The following TRIM9 variants were observed in gnomAD, a reference collection of about 807,000 sequenced individuals.
TRIM9 encodes the protein tripartite motif containing 9.
A neutral mutation model predicts 78.3 loss-of-function variants in TRIM9; 26 were observed. The observed-to-expected ratio is 0.33, with a 90% CI of 0.24 to 0.46. The LOEUF is 0.46. TRIM9 is among the 20% of genes least tolerant of loss of function. The pLI is 1.00. For missense variants in TRIM9, 787 were observed against 1,036.4 expected (o/e 0.76, Z 3.30); for synonymous variants, 398 against 416.5 (o/e 0.96, Z 0.54).
chr14:51,093,767 G>A (rs926012537), intron 1 of TRIM9, among the ~76,000 whole-genome samples: 7 of 152,230 alleles, frequency 4.6e-5, no homozygotes, highest in African/African-American at 1.7e-4. Context: ...CTGGGCACTG[G>A]CGCGGCTCTA....
At chr14:51,074,736 T>A (rs1231742910) in intron 1 of TRIM9, among the ~76,000 whole-genome samples, 1 of 152,166 alleles carries the variant, frequency 6.6e-6, no homozygotes, top group East Asian at 1.9e-4. Context: ...GGGGCAGAGC[T>A]CAAAGCTGGT....
At chr14:51,069,563 G>A (rs376939493) in intron 1 of TRIM9, among the ~76,000 whole-genome samples, 2 of 152,200 alleles carry the variant, frequency 1.3e-5, no homozygotes, top group Non-Finnish European at 2.9e-5. Flanking sequence ...CGAGGCCCTC[G>A]GGACAAGCCA....
chr14:51,034,346 T>G (rs1352493989), intron 1 of TRIM9, among the ~76,000 whole-genome samples: 4 of 152,150 alleles, frequency 2.6e-5, no homozygotes, highest in African/African-American at 4.8e-5. Context: ...CAATAAGAAG[T>G]TTTTGAAAAA....
intron 1 of TRIM9, among the ~76,000 whole-genome samples, chr14:51,087,952 C>T (rs977755570): frequency 1.3e-5 from 2 of 152,084 alleles, no homozygotes; most frequent in African/African-American, 2.4e-5. Context: ...ATTAATATTC[C>T]TCATGCCTAA....
In TRIM9 at chr14:50,975,288, T is replaced by A. The variant is rs1250181263; in HGVS notation, c.*2003A>T. ...TTATTCTCTCATAAAAATCATTTAT[T>A]GGCACATCAGAAATGACAATTTTTT... On this transcript the variant is annotated 3_prime_UTR_variant, in exon 13 of 13. Transcript: ENST00000684578. The A allele has an allele frequency of 6.5e-6, 1 of 152,686 alleles. No individual in the cohort carries two copies. Among genetic ancestry groups the A allele is most frequent in the Non-Finnish European group, 1.5e-5 (1 of 68,048 alleles). The allele number at this position is 152,686 out of a possible 1,614,324, so 9.5% of individuals were successfully genotyped here.
chr14:51,063,391 A>C (rs965645448), intron 1 of TRIM9, among the ~76,000 whole-genome samples: 8 of 152,158 alleles, frequency 5.3e-5, no homozygotes, highest in Non-Finnish European at 1.2e-4. Context: ...AGAGTAGAAC[A>C]AGGAAGGGAA....
At chr14:51,075,230 C>T (rs1015251449) in intron 1 of TRIM9, among the ~76,000 whole-genome samples, 4 of 152,112 alleles carry the variant, frequency 2.6e-5, no homozygotes, top group Admixed American at 2.0e-4. Flanking sequence ...GTTTGTCTAC[C>T]CTATTTAGCC....
At chr14:50,996,027 A>G in intron 7 of TRIM9, 12 of 905,494 alleles carry the variant, frequency 1.3e-5, no homozygotes, top group Non-Finnish European at 1.6e-5. Flanking sequence ...CACTGAATGT[A>G]TTAGAATGAG....
intron 1 of TRIM9, among the ~76,000 whole-genome samples, chr14:51,083,688 T>C (rs879591227): frequency 3.3e-5 from 5 of 152,190 alleles, no homozygotes; most frequent in Non-Finnish European, 7.4e-5. Flanking sequence ...AATTCAGATC[T>C]GGGCATCCTG....
chr14:51,081,892 G>A (rs943887873), intron 1 of TRIM9, among the ~76,000 whole-genome samples: 2 of 152,166 alleles, frequency 1.3e-5, no homozygotes, highest in African/African-American at 2.4e-5. Flanking sequence ...GCACCTCCAC[G>A]TGTTCTCTAA....
At chr14:51,067,597 C>G (rs2061856804) in intron 1 of TRIM9, among the ~76,000 whole-genome samples, 1 of 152,196 alleles carries the variant, frequency 6.6e-6, no homozygotes, top group Non-Finnish European at 1.5e-5. Context: ...GCCCACTGGG[C>G]TTCTTTCTGT....
intron 7 of TRIM9, chr14:50,997,094 C>T (rs752216737): frequency 2.0e-5 from 20 of 985,206 alleles, no homozygotes; most frequent in African/African-American, 7.0e-5. Flanking sequence ...TGGAGAATCC[C>T]GGTGAGGTGG....
In TRIM9 at chr14:50,985,870, C is replaced by T; in HGVS notation, c.1792+86G>A. The T allele has an allele frequency of 3.2e-6, 4 of 1,235,328 alleles. No individual in the cohort carries two copies. The South Asian group carries it at 9.1e-5, about 28-fold the overall frequency. 76.5% of individuals were successfully genotyped at this position (1,235,328 alleles called of 1,614,324 possible). A position where few individuals can be genotyped will look rare whatever the true frequency, so the allele number is the denominator to read the frequency against. On this transcript the variant is annotated intron_variant, in intron 8 of 12. Transcript: ENST00000684578. ...ACTAGCTCATCCCCCTCACCACGCA[C>T]ATGAATGGCAAGAACAAGACACGCG...
intron 1 of TRIM9, among the ~76,000 whole-genome samples, chr14:51,049,111 G>A (rs1306021889): frequency 6.6e-6 from 1 of 152,130 alleles, no homozygotes; most frequent in Non-Finnish European, 1.5e-5. Flanking sequence ...ACCCATGCTG[G>A]CATGCAGAAG....
chr14:50,986,024 T>A lies in TRIM9; in HGVS notation c.1724A>T (p.Tyr575Phe), dbSNP rs536644380. Reference sequence around the variant, plus strand: ...GTGGGGTGAGGATCGGAAATCAAAGTAGGATCTCCCGGGGAAGCTGGGTTG... The same window carrying A: ...GTGGGGTGAGGATCGGAAATCAAAGAAGGATCTCCCGGGGAAGCTGGGTTG... ...NLQPSFPGRS[Y>F]FDFRSSPHQL... The change falls in exon 8 of 13, where the codon TAC becomes TTC. Residue 575 changes from tyrosine to phenylalanine, a missense_variant. Tyr to Phe is a conservative substitution (Grantham distance 22). Coordinates refer to ENST00000684578, the MANE Select transcript of TRIM9 (RefSeq NM_001387360.1). 172 of 1,548,994 alleles carry A rather than the reference T, an allele frequency of 1.1e-4. No homozygotes were observed. The highest frequency in any genetic ancestry group is 1.3e-4 in the Non-Finnish European group (151 of 1,146,218).
chr14:50,981,163 T>C (rs903419505), intron 11 of TRIM9, among the ~76,000 whole-genome samples: 3 of 152,188 alleles, frequency 2.0e-5, no homozygotes, highest in African/African-American at 7.2e-5. Context: ...TAATGATCTA[T>C]ATTTTGGTGG....
At chr14:51,086,979 A>G (rs1001479842) in intron 1 of TRIM9, among the ~76,000 whole-genome samples, 1 of 152,120 alleles carries the variant, frequency 6.6e-6, no homozygotes, top group Non-Finnish European at 1.5e-5. Context: ...CTCTACAGTT[A>G]TTTAATAAAA....
At chr14:51,014,789 G>C (rs753346084) in intron 3 of TRIM9, among the ~76,000 whole-genome samples, 33 of 152,146 alleles carry the variant, frequency 2.2e-4, no homozygotes, top group Non-Finnish European at 4.4e-4. Context: ...CCACCTCACT[G>C]TTGTCTTTGA....
intron 1 of TRIM9, among the ~76,000 whole-genome samples, chr14:51,037,984 C>G (rs1164800312): frequency 3.3e-5 from 5 of 152,200 alleles, no homozygotes; most frequent in African/African-American, 1.2e-4. Context: ...TGACTGGGTT[C>G]AATCTCCTGC....
Sources: allele counts gnomAD v4.1 joint callset (sites outside exome capture counted in the v4.1 genomes callset), GRCh38; gene constraint gnomAD v4.1.1; transcripts MANE v1.5; gene names NCBI Gene and HGNC (gene_info 2026-07-23, HGNC 2026-07-21).